PRKCE: variants seen among roughly 807,000 people sequenced by gnomAD.
PRKCE encodes the protein protein kinase C epsilon, also known as protein kinase C epsilon type.
Under a neutral mutation model 85.4 loss-of-function variants are expected in PRKCE, and 16 were observed. The observed-to-expected ratio is 0.19, with a 90% confidence interval of 0.13 to 0.28. The LOEUF (loss-of-function observed/expected upper bound fraction) is 0.28. PRKCE is among the 10% of genes least tolerant of loss of function. The probability of loss-of-function intolerance (pLI) is 1.00; values close to 1 mark genes in which losing one functional copy is unlikely to be tolerated. For synonymous variants in PRKCE, 388 were observed against 371.5 expected (o/e 1.04, Z -0.51); for missense variants, 573 against 975.2 (o/e 0.59, Z 5.49).
At chr2:46,123,144 C>G (rs565997596) in intron 11 of PRKCE, among the ~76,000 whole-genome samples, 14 of 22,588 alleles carry the variant, frequency 6.2e-4, no homozygotes, top group African/African-American at 2.0e-3. Context: ...CTGAAGTTCA[C>G]TAGCAAAAAA....
intron 1 of PRKCE, among the ~76,000 whole-genome samples, chr2:45,787,782 A>G (rs1686721677): frequency 6.6e-6 from 1 of 152,290 alleles, no homozygotes; most frequent in South Asian, 2.1e-4. Context: ...TTTTGCATCT[A>G]AAGAAAGTGT....
intron 11 of PRKCE, among the ~76,000 whole-genome samples, chr2:46,109,631 A>G (rs529669185): frequency 6.6e-6 from 1 of 152,276 alleles, no homozygotes; most frequent in South Asian, 2.1e-4. Context: ...TACATAGACA[A>G]TTATGTCATA....
Position 45,923,348 on chromosome 2 carries a change from C to A in PRKCE, c.413-53081C>A, listed in dbSNP as rs75533736. 7.3e-3 allele frequency among the ~76,000 whole-genome samples: 1,116 copies of A among 152,284 alleles called. 37 individuals carry two copies. In the East Asian group the frequency reaches 0.099, roughly 14 times the overall value. On this transcript the variant is annotated intron_variant, in intron 2 of 14. Coordinates refer to ENST00000306156, the MANE Select transcript of PRKCE (RefSeq NM_005400.3). ...TGTAACCAGGCATTCTGCTAACAAG[C>A]GTTTGTGTGCCCAGAGCAGTGGCCA...
At chr2:45,684,197 A>G (rs369142638) in intron 1 of PRKCE, among the ~76,000 whole-genome samples, 5 of 152,220 alleles carry the variant, frequency 3.3e-5, no homozygotes, top group Non-Finnish European at 7.3e-5. Context: ...GAAGTTGGCC[A>G]TTTAGAACCC....
intron 2 of PRKCE, among the ~76,000 whole-genome samples, chr2:45,868,319 C>CAAAAAAAAAAAAAAAAAAA (rs371501864): frequency 2.8e-5 from 1 of 35,998 alleles, no homozygotes; most frequent in African/African-American, 1.1e-4. Context: ...CTTTCCTGTC[C>CAAAAAAAAAAAAAAAAAAA]AAAAAAAAAA....
intron 1 of PRKCE, among the ~76,000 whole-genome samples, chr2:45,789,033 A>G (rs1041787608): frequency 3.9e-5 from 6 of 152,192 alleles, no homozygotes; most frequent in Non-Finnish European, 7.3e-5. Context: ...CTAATGTGCA[A>G]GCAAGGTGGA....
chr2:45,913,817 C>G (rs575348030), intron 2 of PRKCE, among the ~76,000 whole-genome samples: 88 of 152,254 alleles, frequency 5.8e-4, no homozygotes, highest in Admixed American at 2.0e-3. Context: ...AGTGTATAAA[C>G]AGACACATTA....
At chr2:46,009,806 C>A (rs1369483040) in intron 9 of PRKCE, among the ~76,000 whole-genome samples, 1 of 152,114 alleles carries the variant, frequency 6.6e-6, no homozygotes, top group African/African-American at 2.4e-5. Flanking sequence ...GTATAAGCAA[C>A]CGTGATAATA....
chr2:45,998,925 G>T (rs1291041851), intron 6 of PRKCE, among the ~76,000 whole-genome samples: 2 of 151,986 alleles, frequency 1.3e-5, no homozygotes, highest in Middle Eastern at 3.2e-3. Flanking sequence ...ATAATATTGT[G>T]CTGCTTCATG....
At chr2:46,016,431 C>G (rs1706153361) in intron 10 of PRKCE, among the ~76,000 whole-genome samples, 1 of 152,060 alleles carries the variant, frequency 6.6e-6, no homozygotes. Flanking sequence ...ACAACTTCAC[C>G]CAGGTCTTGA....
intron 2 of PRKCE, among the ~76,000 whole-genome samples, chr2:45,914,148 G>A (rs888715318): frequency 1.3e-5 from 2 of 152,228 alleles, no homozygotes; most frequent in Admixed American, 1.3e-4. Context: ...TTACGTGGAA[G>A]CATACAATAT....
At chr2:45,868,939 CAG>C (rs1693849846) in intron 2 of PRKCE, among the ~76,000 whole-genome samples, 1 of 138,112 alleles carries the variant, frequency 7.2e-6, no homozygotes, top group Non-Finnish European at 1.5e-5. Flanking sequence ...GCCTGAGTGA[CAG>C]AGCAACATCC....
chr2:45,822,453 C>T (rs950871156), intron 1 of PRKCE, among the ~76,000 whole-genome samples: 5 of 152,240 alleles, frequency 3.3e-5, no homozygotes, highest in Admixed American at 3.3e-4. Context: ...GGCCCAGGTC[C>T]TGCCTGCAGG....
intron 11 of PRKCE, among the ~76,000 whole-genome samples, chr2:46,120,723 C>T (rs764325835): frequency 1.3e-5 from 2 of 152,158 alleles, no homozygotes; most frequent in African/African-American, 4.8e-5. Context: ...CCTTTCTCTA[C>T]TCAACACGTT....
chr2:46,177,843 A>G (rs1679574298), intron 14 of PRKCE, among the ~76,000 whole-genome samples: 1 of 152,218 alleles, frequency 6.6e-6, no homozygotes, highest in Middle Eastern at 3.2e-3. Flanking sequence ...ACTATCTTAG[A>G]CAATGTTAAT....
chr2:45,927,149 C>T (rs192757850), intron 2 of PRKCE, among the ~76,000 whole-genome samples: 11 of 150,452 alleles, frequency 7.3e-5, no homozygotes, highest in South Asian at 2.1e-4. Context: ...TGAGTGTGCA[C>T]GGGACACAGG....
intron 1 of PRKCE, among the ~76,000 whole-genome samples, chr2:45,755,188 A>G (rs1683900926): frequency 6.6e-6 from 1 of 152,150 alleles, no homozygotes; most frequent in African/African-American, 2.4e-5. Context: ...TCCACATTGT[A>G]TAAGGTCGCC....
At position 45,946,980 on chromosome 2, in the gene PRKCE, C is replaced by A. The variant is rs1316112621; in HGVS notation, c.413-29449C>A. Among the ~76,000 whole-genome samples the A allele has an allele frequency of 3.3e-5, 5 of 152,332 alleles. No homozygotes were observed. The East Asian group carries it at 9.6e-4, about 29-fold the overall frequency. On this transcript the variant is annotated intron_variant, in intron 2 of 14. Transcript: ENST00000306156. ...GACCTAGACTCTATGAGATATTCAG[C>A]TTCTCATCTTTCAGCACCCTCTAAA...
At chr2:45,844,714 G>A (rs536480791) in intron 2 of PRKCE, among the ~76,000 whole-genome samples, 1 of 152,280 alleles carries the variant, frequency 6.6e-6, no homozygotes, top group East Asian at 1.9e-4. Context: ...TGTATTTCCT[G>A]TGCCAAGATG....
Sources: allele counts gnomAD v4.1 joint callset (sites outside exome capture counted in the v4.1 genomes callset), GRCh38; gene constraint gnomAD v4.1.1; transcripts MANE v1.5; gene names NCBI Gene and HGNC (gene_info 2026-07-23, HGNC 2026-07-21).